NRXN3: variants seen among roughly 807,000 people sequenced by gnomAD.
The protein encoded by NRXN3 is neurexin III.
NRXN3 carries 32 observed loss-of-function variants against 137.6 expected under a neutral mutation model. The observed-to-expected ratio is 0.23, with a 90% CI of 0.18 to 0.31. The LOEUF (loss-of-function observed/expected upper bound fraction) is 0.31. Among genes scored for constraint, NRXN3 ranks in the 10% least tolerant of loss-of-function variants. The pLI, the probability that NRXN3 is intolerant of heterozygous loss-of-function variation, is 1.00. For synonymous variants in NRXN3, 798 were observed against 784.5 expected (o/e 1.02, Z -0.29); for missense variants, 1,574 against 2,062.5 (o/e 0.76, Z 4.59).
chr14:79,751,925 C>G (rs956837953), intron 19 of NRXN3, among the ~76,000 whole-genome samples: 82 of 152,220 alleles, frequency 5.4e-4, no homozygotes, highest in African/African-American at 1.9e-3. Context: ...ATGAAGCCCA[C>G]TCGATCATGG....
chr14:79,173,811 G>C (rs985862898), intron 15 of NRXN3, among the ~76,000 whole-genome samples: 10 of 152,016 alleles, frequency 6.6e-5, no homozygotes, highest in African/African-American at 2.4e-4. Flanking sequence ...TGACTATATA[G>C]GCTTTCATCC....
At chr14:78,551,583 C>A (rs566343141) in intron 4 of NRXN3, among the ~76,000 whole-genome samples, 16 of 151,360 alleles carry the variant, frequency 1.1e-4, no homozygotes, top group African/African-American at 3.6e-4. Flanking sequence ...TATCCTCCTC[C>A]CCTCTCATTT....
At chr14:78,912,944 T>C (rs2099243356) in intron 10 of NRXN3, among the ~76,000 whole-genome samples, 1 of 152,178 alleles carries the variant, frequency 6.6e-6, no homozygotes, top group Non-Finnish European at 1.5e-5. Context: ...ATTCATTCCT[T>C]GTTCCTTCGT....
At chr14:78,564,367 C>A (rs1056360515) in intron 4 of NRXN3, among the ~76,000 whole-genome samples, 1 of 152,198 alleles carries the variant, frequency 6.6e-6, no homozygotes, top group Non-Finnish European at 1.5e-5. Context: ...CACAAATGCT[C>A]CTCAGAATGT....
At chr14:79,274,648 A>G (rs539786429) in intron 15 of NRXN3, among the ~76,000 whole-genome samples, 1 of 152,346 alleles carries the variant, frequency 6.6e-6, no homozygotes, top group African/African-American at 2.4e-5. Context: ...TTCTATATTA[A>G]AATAACTTCA....
intron 15 of NRXN3, among the ~76,000 whole-genome samples, chr14:79,326,471 C>A (rs972314942): frequency 6.6e-6 from 1 of 152,174 alleles, no homozygotes; most frequent in African/African-American, 2.4e-5. Flanking sequence ...AGACATCTCA[C>A]CGCAAGGACT....
intron 10 of NRXN3, among the ~76,000 whole-genome samples, chr14:78,830,546 G>C (rs2098978785): frequency 2.0e-5 from 3 of 151,838 alleles, no homozygotes; most frequent in South Asian, 4.2e-4. Flanking sequence ...GATATTACAG[G>C]GGTTTTTACT....
At chr14:79,208,044 C>G (rs925815810) in intron 15 of NRXN3, among the ~76,000 whole-genome samples, 1 of 151,948 alleles carries the variant, frequency 6.6e-6, no homozygotes, top group Non-Finnish European at 1.5e-5. Flanking sequence ...GAGGAAGGGA[C>G]AAGGTGATTG....
chr14:78,712,519 G>A (rs915492705), intron 7 of NRXN3, among the ~76,000 whole-genome samples: 1 of 152,086 alleles, frequency 6.6e-6, no homozygotes, highest in Admixed American at 6.6e-5. Flanking sequence ...TTCTACTCTT[G>A]TGTTGACTTT....
intron 16 of NRXN3, among the ~76,000 whole-genome samples, chr14:79,525,292 A>C (rs1477392045): frequency 6.6e-6 from 1 of 152,130 alleles, no homozygotes; most frequent in Admixed American, 6.5e-5. Flanking sequence ...ACCTTCTAAC[A>C]AATGTTCCTT....
chr14:79,080,738 T>G (rs923192693), intron 15 of NRXN3, among the ~76,000 whole-genome samples: 4 of 152,194 alleles, frequency 2.6e-5, no homozygotes, highest in African/African-American at 9.7e-5. Flanking sequence ...AATTATTTTA[T>G]TCAAGCCTCC....
At chr14:79,508,755 G>T (rs893066086) in intron 16 of NRXN3, among the ~76,000 whole-genome samples, 3 of 152,056 alleles carry the variant, frequency 2.0e-5, no homozygotes, top group African/African-American at 7.2e-5. Context: ...AGTCAAAGAG[G>T]ATGGAGAAAA....
intron 4 of NRXN3, among the ~76,000 whole-genome samples, chr14:78,588,251 C>T (rs2097085679): frequency 6.6e-6 from 1 of 152,198 alleles, no homozygotes; most frequent in African/African-American, 2.4e-5. Flanking sequence ...TTGTAGCATA[C>T]TCACCACTCA....
At chr14:79,671,513 T>C (rs947285816) in intron 17 of NRXN3, among the ~76,000 whole-genome samples, 1 of 152,088 alleles carries the variant, frequency 6.6e-6, no homozygotes, top group Admixed American at 6.6e-5. Flanking sequence ...TCAGCCTCTT[T>C]CTTTTTGCGA....
At chr14:78,753,752 C>G (rs2098654505) in intron 8 of NRXN3, 1 of 152,132 alleles carries the variant, frequency 6.6e-6, no homozygotes, top group Non-Finnish European at 1.5e-5. Flanking sequence ...AGCTGAGGTC[C>G]AAATCAGAGA....
intron 15 of NRXN3, among the ~76,000 whole-genome samples, chr14:79,301,800 T>A (rs187975515): frequency 3.9e-5 from 6 of 151,952 alleles, no homozygotes; most frequent in Non-Finnish European, 7.4e-5. Flanking sequence ...AGTTTTGGAA[T>A]TAGCTACTAA....
intron 19 of NRXN3, among the ~76,000 whole-genome samples, chr14:79,764,962 C>T (rs12432699): frequency 0.012 from 1,806 of 152,176 alleles, 14 homozygotes; most frequent in Middle Eastern, 0.024. Flanking sequence ...TACTAATATT[C>T]TGATTTTTAA....
chr14:79,047,144 G>GAA (rs112268708), intron 15 of NRXN3, among the ~76,000 whole-genome samples: 3 of 121,486 alleles, frequency 2.5e-5, no homozygotes, highest in Non-Finnish European at 3.6e-5. Flanking sequence ...CCCCACCCCC[G>GAA]AAAAAAAAAA....
intron 15 of NRXN3, among the ~76,000 whole-genome samples, chr14:79,317,210 T>G (rs769450190): frequency 2.0e-5 from 3 of 151,936 alleles, no homozygotes; most frequent in African/African-American, 4.8e-5. Context: ...CCAGCCTGGG[T>G]GACAAGAGCG....
Sources: allele counts gnomAD v4.1 joint callset (sites outside exome capture counted in the v4.1 genomes callset), GRCh38; gene constraint gnomAD v4.1.1; transcripts MANE v1.5; gene names NCBI Gene and HGNC (gene_info 2026-07-23, HGNC 2026-07-21).